The following PEX5L variants were observed in gnomAD, a reference collection of about 807,000 sequenced individuals.
PEX5L encodes peroxisomal biogenesis factor 5 like, also known as PEX5-related protein.
Under a neutral mutation model 84.0 loss-of-function variants are expected in PEX5L, and 30 were observed. The observed-to-expected ratio is 0.36, with a 90% CI of 0.27 to 0.48. The LOEUF (loss-of-function observed/expected upper bound fraction) is 0.48, where lower values mean the gene tolerates loss of function less well. Ranked by LOEUF, PEX5L falls within the 20% of genes least tolerant of loss-of-function variation. The probability of loss-of-function intolerance (pLI) is 0.99; values close to 1 mark genes in which losing one functional copy is unlikely to be tolerated. For missense variants in PEX5L, 533 were observed against 754.6 expected, an observed-to-expected ratio of 0.71 and a Z score of 3.44; for synonymous variants, 270 against 283.1, an observed-to-expected ratio of 0.95 and a Z score of 0.46.
At chr3:179,844,343 A>G (rs1349001274) in intron 8 of PEX5L, among the ~76,000 whole-genome samples, 2 of 152,174 alleles carry the variant, frequency 1.3e-5, no homozygotes, top group Non-Finnish European at 2.9e-5. Flanking sequence ...ACCATATTGT[A>G]TTATTGCCAC....
Position 179,808,382 on chromosome 3 carries a change from C to T in PEX5L, c.1408G>A (p.Asp470Asn). ...LYLEAAHQNG[D>N]MIDPDLQTGL... The stretch of plus-strand genomic sequence containing the variant: ...GTCTGCAGGTCTGGGTCGATCATAT[C>T]TCCATTTTGGTGGGCAGCTTCCAGA... Residue 470 changes from aspartate to asparagine, a missense_variant, in exon 13 of 15, where the codon GAT becomes AAT. Physicochemically the swap from Asp to Asn is conservative, Grantham distance 23. Transcript: ENST00000467460. 6.3e-7 allele frequency: 1 copy of T among 1,589,488 alleles called. No individual in the cohort carries two copies. Among genetic ancestry groups the T allele is most frequent in the Non-Finnish European group, 8.6e-7 (1 of 1,169,254 alleles).
chr3:179,933,726 TTGAA>T (rs1773772581), intron 2 of PEX5L, among the ~76,000 whole-genome samples: 1 of 152,218 alleles, frequency 6.6e-6, no homozygotes, highest in African/African-American at 2.4e-5. Context: ...TTAACATTTG[TTGAA>T]TGAATGAAGT....
At chr3:179,943,693 C>T (rs543179696) in intron 2 of PEX5L, among the ~76,000 whole-genome samples, 16 of 152,336 alleles carry the variant, frequency 1.1e-4, no homozygotes, top group Admixed American at 4.6e-4. Context: ...AAGCACGTGA[C>T]ATCTGTGGCC....
chr3:179,806,064 T>C (rs866808921), intron 14 of PEX5L, among the ~76,000 whole-genome samples: 21 of 150,686 alleles, frequency 1.4e-4, no homozygotes, highest in African/African-American at 4.8e-4. Flanking sequence ...AGAACAATTA[T>C]AACAATTACA....
At chr3:179,871,547 C>T (rs1022980130) in intron 7 of PEX5L, among the ~76,000 whole-genome samples, 4 of 152,140 alleles carry the variant, frequency 2.6e-5, no homozygotes, top group African/African-American at 7.2e-5. Flanking sequence ...ATTTGAAGTT[C>T]GGCCTAAAGA....
intron 2 of PEX5L, among the ~76,000 whole-genome samples, chr3:179,934,153 T>C (rs1326542455): frequency 6.6e-6 from 1 of 152,248 alleles, no homozygotes; most frequent in Non-Finnish European, 1.5e-5. Flanking sequence ...CAGGTTGGCA[T>C]ACAATTCATG....
At chr3:179,908,941 G>T (rs986316850) in intron 2 of PEX5L, among the ~76,000 whole-genome samples, 4 of 152,028 alleles carry the variant, frequency 2.6e-5, no homozygotes, top group Admixed American at 1.3e-4. Context: ...ATAGATTTTT[G>T]AGAATTACAT....
At chr3:179,933,179 T>G (rs1396024463) in intron 2 of PEX5L, among the ~76,000 whole-genome samples, 1 of 152,180 alleles carries the variant, frequency 6.6e-6, no homozygotes, top group African/African-American at 2.4e-5. Flanking sequence ...TCCACATATA[T>G]CTTGAATTGT....
Position 179,875,495 on chromosome 3 carries a change from AGCAGGTGAG to A in PEX5L, c.506-27_506-19del. 1 of 1,538,586 alleles carries A rather than the reference AGCAGGTGAG, an allele frequency of 6.5e-7. No homozygotes were observed. Among genetic ancestry groups the A allele is most frequent in the Non-Finnish European group, 8.8e-7 (1 of 1,133,052 alleles). ...TTGAATGTCTAGTAAGTACAGAGGA[AGCAGGTGAG>A]GCAGGTGGCGGCAGGGCGGGGTAGG... On this transcript the variant is annotated intron_variant, in intron 5 of 14. Coordinates refer to ENST00000467460, the MANE Select transcript of PEX5L (RefSeq NM_016559.3).
intron 1 of PEX5L, among the ~76,000 whole-genome samples, chr3:180,012,118 T>G (rs185456744): frequency 8.3e-4 from 127 of 152,326 alleles, no homozygotes; most frequent in African/African-American, 2.9e-3. Context: ...ATTTATATTA[T>G]CGTAATTCCA....
At chr3:179,966,982 A>G (rs999217784) in intron 2 of PEX5L, among the ~76,000 whole-genome samples, 4 of 152,140 alleles carry the variant, frequency 2.6e-5, no homozygotes, top group African/African-American at 9.7e-5. Context: ...TTTTATTTAC[A>G]TTTGCTTTAA....
intron 1 of PEX5L, among the ~76,000 whole-genome samples, chr3:179,990,247 G>A (rs1007278892): frequency 5.3e-5 from 8 of 152,206 alleles, no homozygotes; most frequent in East Asian, 3.9e-4. Context: ...TTCTTTGGTC[G>A]CATTTAGAAA....
intron 8 of PEX5L, among the ~76,000 whole-genome samples, chr3:179,838,010 A>T (rs9681071): frequency 6.6e-6 from 1 of 152,014 alleles, no homozygotes; most frequent in Non-Finnish European, 1.5e-5. Flanking sequence ...AAATGTTTGC[A>T]TGTAGCCATC....
At position 179,798,414 on chromosome 3, in the gene PEX5L, TTCC is replaced by T. The variant is rs1031909818; in HGVS notation, c.*3411_*3413del. The T allele has an allele frequency of 6.6e-5, 10 of 152,320 alleles. No individual in the cohort carries two copies. In the East Asian group the frequency reaches 1.5e-3, roughly 24 times the overall value. The allele number at this position is 152,320 out of a possible 1,614,324, so 9.4% of individuals were successfully genotyped here. A position where few individuals can be genotyped will look rare whatever the true frequency, so the allele number is the denominator to read the frequency against. On this transcript the variant is annotated 3_prime_UTR_variant, in exon 15 of 15. Coordinates refer to ENST00000467460, the MANE Select transcript of PEX5L (RefSeq NM_016559.3). ...ATTGGCCCAGTGAGAGGGATTTTTATTCCTCCTCCTCTCCCCTATCCCTCTGTC... is the reference window on the plus strand; with the variant it reads ...ATTGGCCCAGTGAGAGGGATTTTTATTCCTCCTCTCCCCTATCCCTCTGTC...
chr3:179,836,904 A>G (rs978954795), intron 8 of PEX5L, among the ~76,000 whole-genome samples: 113 of 152,284 alleles, frequency 7.4e-4, no homozygotes, highest in African/African-American at 2.5e-3. Context: ...GTCAATCACT[A>G]TTCATGCTGC....
intron 1 of PEX5L, among the ~76,000 whole-genome samples, chr3:179,979,795 A>AT (rs1439910967): frequency 1.3e-5 from 2 of 152,166 alleles, no homozygotes; most frequent in African/African-American, 2.4e-5. Flanking sequence ...TTGACACATT[A>AT]TTTTTTATTT....
chr3:179,846,207 A>T (rs1739284284), intron 8 of PEX5L, among the ~76,000 whole-genome samples: 1 of 152,130 alleles, frequency 6.6e-6, no homozygotes, highest in South Asian at 2.1e-4. Context: ...AGTTTTTAAA[A>T]TTTGTTGTTG....
chr3:180,008,736 T>A (rs6798562), intron 1 of PEX5L, among the ~76,000 whole-genome samples: 1 of 152,050 alleles, frequency 6.6e-6, no homozygotes, highest in African/African-American at 2.4e-5. Context: ...CCATCAGATC[T>A]CATGAGACTT....
intron 8 of PEX5L, among the ~76,000 whole-genome samples, chr3:179,821,103 G>A (rs1210355999): frequency 6.6e-6 from 1 of 152,194 alleles, no homozygotes; most frequent in Admixed American, 6.5e-5. Flanking sequence ...AGCCAGAAGC[G>A]GCGGGGCGGC....
Sources: gnomAD v4.1 joint callset for allele counts (sites outside exome capture counted in the v4.1 genomes callset) on GRCh38, gnomAD v4.1.1 for gene constraint, MANE v1.5 for transcripts, NCBI Gene and HGNC (gene_info 2026-07-23, HGNC 2026-07-21) for gene names.